Variants in NR3C2 observed in about 807,000 individuals in gnomAD.
The protein encoded by NR3C2 is nuclear receptor subfamily 3 group C member 2.
Under a neutral mutation model 86.4 loss-of-function variants are expected in NR3C2, and 15 were observed. That is an observed-to-expected ratio of 0.17 (90% CI 0.12 to 0.27). The LOEUF is 0.27. Ranked by LOEUF, NR3C2 falls within the 10% of genes least tolerant of loss-of-function variation. The pLI is 1.00. For missense variants in NR3C2, 960 were observed against 1,195.6 expected (o/e 0.80, Z 2.91); for synonymous variants, 458 against 450.5 (o/e 1.02, Z -0.21).
intron 6 of NR3C2, among the ~76,000 whole-genome samples, chr4:148,123,196 C>A (rs1732592416): frequency 6.6e-6 from 1 of 152,182 alleles, no homozygotes. Flanking sequence ...GCAGTACCCT[C>A]AGGCTTACTA....
intron 6 of NR3C2, among the ~76,000 whole-genome samples, chr4:148,138,255 C>T (rs1217168863): frequency 6.6e-6 from 1 of 152,162 alleles, no homozygotes; most frequent in African/African-American, 2.4e-5. Flanking sequence ...CTCTTAAATA[C>T]TGTCATGATA....
chr4:148,361,695 A>ACAGCCTT (rs1459453079), intron 2 of NR3C2, among the ~76,000 whole-genome samples: 1 of 152,180 alleles, frequency 6.6e-6, no homozygotes, highest in Non-Finnish European at 1.5e-5. Flanking sequence ...ACAGAGTTTC[A>ACAGCCTT]CAGCCTTCAG....
In NR3C2 at chr4:148,139,335, C is replaced by T. The variant is rs1733503288; in HGVS notation, c.2510+13134G>A. ...ATCTTTAAAAGCAGGATCATAAATTCCAACCTCACAGAGTTGTGAGGATTA... is the reference window on the plus strand; with the variant it reads ...ATCTTTAAAAGCAGGATCATAAATTTCAACCTCACAGAGTTGTGAGGATTA... On this transcript the variant is annotated intron_variant, in intron 6 of 8. Transcript: ENST00000358102. Among the ~76,000 whole-genome samples, 4 of 152,174 alleles carry T rather than the reference C, an allele frequency of 2.6e-5. 1 individual carries two copies. In the South Asian group the frequency reaches 8.3e-4, roughly 32 times the overall value.
At chr4:148,095,096 T>G (rs1731223180) in intron 8 of NR3C2, among the ~76,000 whole-genome samples, 1 of 152,224 alleles carries the variant, frequency 6.6e-6, no homozygotes, top group African/African-American at 2.4e-5. Context: ...TGGTGATGGT[T>G]GCACAACTAT....
chr4:148,398,346 T>C (rs921599722), intron 2 of NR3C2, among the ~76,000 whole-genome samples: 2 of 152,184 alleles, frequency 1.3e-5, no homozygotes, highest in South Asian at 2.1e-4. Flanking sequence ...TAACTCCAGG[T>C]CAGCTTTTGC....
intron 8 of NR3C2, among the ~76,000 whole-genome samples, chr4:148,088,206 T>A (rs1172769811): frequency 1.3e-5 from 2 of 152,078 alleles, no homozygotes; most frequent in Admixed American, 1.3e-4. Flanking sequence ...AAAAGTTAGT[T>A]AGGAAACAAC....
intron 2 of NR3C2, among the ~76,000 whole-genome samples, chr4:148,271,464 T>C (rs1740679903): frequency 6.6e-6 from 1 of 152,124 alleles, no homozygotes; most frequent in Non-Finnish European, 1.5e-5. Context: ...AAAGGCTGTT[T>C]TTTTGGCCAC....
intron 2 of NR3C2, among the ~76,000 whole-genome samples, chr4:148,267,047 A>G (rs1740431803): frequency 6.6e-6 from 1 of 152,164 alleles, no homozygotes; most frequent in Admixed American, 6.5e-5. Context: ...AGATAACAGA[A>G]TTATAGTCTA....
At chr4:148,404,447 G>A (rs1213591304) in intron 2 of NR3C2, among the ~76,000 whole-genome samples, 1 of 152,106 alleles carries the variant, frequency 6.6e-6, no homozygotes, top group African/African-American at 2.4e-5. Flanking sequence ...GGTTTCCAGA[G>A]TCTTTATTGT....
intron 2 of NR3C2, among the ~76,000 whole-genome samples, chr4:148,315,536 T>C (rs906544235): frequency 4.6e-5 from 7 of 152,234 alleles, no homozygotes; most frequent in East Asian, 3.8e-4. Flanking sequence ...CCTATGAGAA[T>C]GTTTTGCATT....
chr4:148,233,762 G>A (rs375958387), intron 3 of NR3C2, among the ~76,000 whole-genome samples: 49 of 152,218 alleles, frequency 3.2e-4, no homozygotes, highest in Middle Eastern at 6.8e-3. Flanking sequence ...TATGCTCACC[G>A]TCTTACGTGG....
intron 2 of NR3C2, among the ~76,000 whole-genome samples, chr4:148,389,538 T>G (rs371918520): frequency 6.6e-6 from 1 of 152,190 alleles, no homozygotes; most frequent in African/African-American, 2.4e-5. Context: ...GTTTCTTTCC[T>G]CATTTATCTC....
chr4:148,343,908 T>C (rs370523269), intron 2 of NR3C2, among the ~76,000 whole-genome samples: 83 of 152,262 alleles, frequency 5.5e-4, no homozygotes, highest in African/African-American at 1.9e-3. Flanking sequence ...GTGGTTCAAC[T>C]GAAAAAAATT....
At chr4:148,279,630 C>A (rs952621967) in intron 2 of NR3C2, among the ~76,000 whole-genome samples, 47 of 152,178 alleles carry the variant, frequency 3.1e-4, no homozygotes, top group Non-Finnish European at 7.4e-5. Flanking sequence ...ACATAAAATG[C>A]ACTTATTATC....
At chr4:148,149,839 T>C (rs1296324736) in intron 6 of NR3C2, among the ~76,000 whole-genome samples, 1 of 152,038 alleles carries the variant, frequency 6.6e-6, no homozygotes. Flanking sequence ...GAAATGAAAA[T>C]GAAAACCATA....
chr4:148,093,375 G>A (rs1284097377), intron 8 of NR3C2, among the ~76,000 whole-genome samples: 1 of 152,192 alleles, frequency 6.6e-6, no homozygotes, highest in Non-Finnish European at 1.5e-5. Flanking sequence ...TGGGGCCACT[G>A]CTGCTGTTCT....
intron 4 of NR3C2, among the ~76,000 whole-genome samples, chr4:148,184,295 A>C (rs1453501714): frequency 3.8e-4 from 7 of 18,618 alleles, no homozygotes; most frequent in Admixed American, 2.1e-3. Flanking sequence ...CTAAAAATAC[A>C]AAAAAAAAAA....
At chr4:148,406,916 G>A (rs944167047) in intron 2 of NR3C2, among the ~76,000 whole-genome samples, 15 of 152,148 alleles carry the variant, frequency 9.9e-5, no homozygotes, top group African/African-American at 3.4e-4. Context: ...AATTTAAGCT[G>A]CGTAATTATT....
chr4:148,444,456 G>A (rs919524043), upstream of NR3C2: 34 of 985,862 alleles, frequency 3.4e-5, no homozygotes, highest in Non-Finnish European at 3.5e-5. Flanking sequence ...TGCCTTGCCC[G>A]GGGCCGCCCC....
Sources: gnomAD v4.1 joint callset for allele counts (sites outside exome capture counted in the v4.1 genomes callset) on GRCh38, gnomAD v4.1.1 for gene constraint, MANE v1.5 for transcripts, NCBI Gene and HGNC (gene_info 2026-07-23, HGNC 2026-07-21) for gene names.